The following ZBTB38 variants were observed in gnomAD, a reference collection of about 807,000 sequenced individuals.
ZBTB38 encodes zinc finger and BTB domain-containing protein 38.
In ZBTB38, 20 loss-of-function variants were observed where a neutral mutation model predicts 76.8. That is an observed-to-expected ratio of 0.26 (90% CI 0.18 to 0.38). The LOEUF (loss-of-function observed/expected upper bound fraction) is 0.38. Ranked by LOEUF, ZBTB38 falls within the 10% of genes least tolerant of loss-of-function variation. The pLI is 1.00. For synonymous variants in ZBTB38, 504 were observed against 544.2 expected, an observed-to-expected ratio of 0.93 and a Z score of 1.03; for missense variants, 1,082 against 1,482.3, an observed-to-expected ratio of 0.73 and a Z score of 4.43.
chr3:141,354,455 C>A (rs1222093354), intron 1 of ZBTB38, among the ~76,000 whole-genome samples: 1 of 152,096 alleles, frequency 6.6e-6, no homozygotes, highest in Non-Finnish European at 1.5e-5. Context: ...GCTTCTTCTT[C>A]CCTGGAGTTT....
chr3:141,357,507 T>C (rs1270028400), intron 1 of ZBTB38, among the ~76,000 whole-genome samples: 5 of 152,194 alleles, frequency 3.3e-5, no homozygotes, highest in Non-Finnish European at 7.4e-5. Flanking sequence ...CTTTTGTTTT[T>C]TGTTTTGTTT....
chr3:141,357,144 C>G (rs1476011993), intron 1 of ZBTB38, among the ~76,000 whole-genome samples: 1 of 152,212 alleles, frequency 6.6e-6, no homozygotes, highest in African/African-American at 2.4e-5. Flanking sequence ...AAATGACCCT[C>G]CTTGTGTTGG....
intron 1 of ZBTB38, among the ~76,000 whole-genome samples, chr3:141,349,145 T>A (rs1159237301): frequency 6.6e-6 from 1 of 152,086 alleles, no homozygotes; most frequent in African/African-American, 2.4e-5. Flanking sequence ...TCTCCCTCAC[T>A]CCACTAAAAA....
At chr3:141,363,132 T>C (rs1943867881) in intron 1 of ZBTB38, among the ~76,000 whole-genome samples, 1 of 152,184 alleles carries the variant, frequency 6.6e-6, no homozygotes, top group African/African-American at 2.4e-5. Flanking sequence ...TCCGTGAGCA[T>C]AGATGATTCC....
intron 2 of ZBTB38, among the ~76,000 whole-genome samples, chr3:141,378,242 G>A (rs1945673839): frequency 6.6e-6 from 1 of 152,070 alleles, no homozygotes; most frequent in Admixed American, 6.6e-5. Context: ...CAGGATGGGT[G>A]TGATTATCAG....
chr3:141,393,544 T>C (rs1187626875), intron 4 of ZBTB38, among the ~76,000 whole-genome samples: 4 of 152,150 alleles, frequency 2.6e-5, no homozygotes, highest in Non-Finnish European at 5.9e-5. Context: ...TTCTCTGAAG[T>C]ACTCAGGGTA....
rs1380086885 is a variant in ZBTB38, at chr3:141,445,840, G to A, written c.3452G>A (p.Ser1151Asn). The change falls in exon 6 of 6, where the codon AGC (serine) becomes AAC (asparagine). Residue 1151 changes from serine to asparagine, a missense_variant. Ser to Asn is a conservative substitution (Grantham distance 46, BLOSUM62 1). This residue lies in a region of ZBTB38 where 54 missense variants were observed against 57.9 expected (regional missense o/e 0.93). Coordinates refer to ENST00000321464, the MANE Select transcript of ZBTB38 (RefSeq NM_001376113.1). The surrounding 1 kb of genome is among the most constrained non-coding windows in gnomAD (Gnocchi z 6.5). ...GMHQKKHLFK[S>N]PSQQEKIGDV... ...CACCAAAAGAAACACTTATTCAAAA[G>A]CCCAAGTCAGCAGGAGAAAATAGGT... 1 of 1,614,008 alleles carries A rather than the reference G, an allele frequency of 6.2e-7. No homozygotes were observed. The highest frequency in any genetic ancestry group is 1.3e-5 in the African/African-American group (1 of 75,048).
intron 4 of ZBTB38, among the ~76,000 whole-genome samples, chr3:141,398,131 C>A (rs1950777989): frequency 6.6e-6 from 1 of 152,210 alleles, no homozygotes; most frequent in African/African-American, 2.4e-5. Flanking sequence ...GTAGGCCACA[C>A]AAAAACAGGT....
chr3:141,346,195 C>A (rs1188053961), intron 1 of ZBTB38, among the ~76,000 whole-genome samples: 1 of 152,124 alleles, frequency 6.6e-6, no homozygotes, highest in East Asian at 1.9e-4. Context: ...TCACAGGGTA[C>A]CTTTAAAAAA....
chr3:141,412,953 G>A (rs565962701), intron 5 of ZBTB38, among the ~76,000 whole-genome samples: 215 of 152,268 alleles, frequency 1.4e-3, no homozygotes, highest in Non-Finnish European at 2.6e-3. Flanking sequence ...AAGCGCCTGC[G>A]TCTCCTGAGC....
chr3:141,426,125 A>G, intron 5 of ZBTB38: 1 of 1,289,328 alleles, frequency 7.8e-7, no homozygotes. Flanking sequence ...CAGTTCTCAG[A>G]CAGGCTGCCC....
At chr3:141,394,025 T>A (rs2149396913) in intron 4 of ZBTB38, among the ~76,000 whole-genome samples, 1 of 152,126 alleles carries the variant, frequency 6.6e-6, no homozygotes, top group Non-Finnish European at 1.5e-5. Flanking sequence ...TTCTTTTTTT[T>A]TTTTGAAACG....
intron 1 of ZBTB38, among the ~76,000 whole-genome samples, chr3:141,332,953 A>G (rs1942895186): frequency 6.6e-6 from 1 of 152,230 alleles, no homozygotes; most frequent in African/African-American, 2.4e-5. Context: ...GGCATTTTAC[A>G]TGGCACCAGG....
At chr3:141,426,259 CT>C (rs2076359823) in intron 5 of ZBTB38, 1 of 1,146,084 alleles carries the variant, frequency 8.7e-7, no homozygotes, top group Non-Finnish European at 1.2e-6. Context: ...AAAAGCACAC[CT>C]GCCCAGACCC....
chr3:141,428,142 C>T (rs980670415), intron 5 of ZBTB38, among the ~76,000 whole-genome samples: 4 of 152,222 alleles, frequency 2.6e-5, no homozygotes, highest in African/African-American at 9.6e-5. Context: ...CTCTCTGGCA[C>T]ATTCCTTGTT....
intron 1 of ZBTB38, among the ~76,000 whole-genome samples, chr3:141,339,568 C>T (rs367823835): frequency 6.6e-5 from 10 of 152,028 alleles, no homozygotes; most frequent in Non-Finnish European, 1.3e-4. Flanking sequence ...GTGTGTGTTT[C>T]GAAGGTAGAG....
intron 5 of ZBTB38, among the ~76,000 whole-genome samples, chr3:141,422,917 G>A (rs1159604869): frequency 1.3e-5 from 2 of 151,912 alleles, no homozygotes; most frequent in Non-Finnish European, 2.9e-5. Context: ...CAAAAAATAG[G>A]TTTTTTTCAC....
In ZBTB38 at chr3:141,340,988, AAG is replaced by A. The variant is rs754561701; in HGVS notation, c.-739+16536_-739+16537del. ...AAAGAAAGAAAGAAAGAAAGAAAGAAAGAGAAAGAAGAAAGAAAGAAAGAAAG... is the reference window on the plus strand; with the variant it reads ...AAAGAAAGAAAGAAAGAAAGAAAGAAAGAAAGAAGAAAGAAAGAAAGAAAG... On this transcript the variant is annotated intron_variant, in intron 1 of 7. Coordinates refer to the ZBTB38 transcript ENST00000509842. Among the ~76,000 whole-genome samples the A allele has an allele frequency of 4.4e-4, 61 of 139,656 alleles. No homozygotes were observed. The South Asian group carries it at 6.2e-3, about 14-fold the overall frequency. 91.6% of individuals were successfully genotyped at this position (139,656 alleles called of 152,430 possible).
chr3:141,410,481 A>G (rs939108045), intron 5 of ZBTB38, among the ~76,000 whole-genome samples: 1 of 152,232 alleles, frequency 6.6e-6, no homozygotes, highest in African/African-American at 2.4e-5. Context: ...AACAGAACCC[A>G]CTGTCCTAGG....
Sources: allele counts gnomAD v4.1 joint callset (sites outside exome capture counted in the v4.1 genomes callset), GRCh38; gene constraint gnomAD v4.1.1; regional missense constraint gnomAD v4.1.1; non-coding constraint Gnocchi (gnomAD v3.1); transcripts MANE v1.5; gene names NCBI Gene and HGNC (gene_info 2026-07-23, HGNC 2026-07-21).